The following PKHD1 variants were observed in gnomAD, a reference collection of about 807,000 sequenced individuals.
PKHD1 encodes the protein fibrocystin.
Under a neutral mutation model 412.0 loss-of-function variants are expected in PKHD1, and 291 were observed. That is an observed-to-expected ratio of 0.71 (90% confidence interval 0.64 to 0.78). The LOEUF (loss-of-function observed/expected upper bound fraction) is 0.78, where lower values mean the gene tolerates loss of function less well. Ranked by LOEUF, PKHD1 falls within the 30% of genes least tolerant of loss-of-function variation. The pLI is 0.00. For missense variants in PKHD1, 4,825 were observed against 4,950.7 expected (o/e 0.97, Z 0.76); for synonymous variants, 1,777 against 1,821.5 (o/e 0.98, Z 0.62).
At chr6:51,854,324 C>T (rs765371772) in intron 49 of PKHD1, among the ~76,000 whole-genome samples, 7 of 152,016 alleles carry the variant, frequency 4.6e-5, no homozygotes, top group Non-Finnish European at 7.4e-5. Context: ...CCTCTGACCT[C>T]GAGGGGCACC....
intron 60 of PKHD1, among the ~76,000 whole-genome samples, chr6:51,669,622 C>A (rs9474045): frequency 0.26 from 31,887 of 122,782 alleles, 5,805 homozygotes; most frequent in African/African-American, 0.54. Context: ...TTTTCTAGTT[C>A]TTTTAATTGT....
At chr6:51,989,054 T>C (rs144809489) in intron 35 of PKHD1, among the ~76,000 whole-genome samples, 1 of 152,340 alleles carries the variant, frequency 6.6e-6, no homozygotes, top group African/African-American at 2.4e-5. Flanking sequence ...GAGTTGCTTT[T>C]GGAAGCGATA....
chr6:51,764,627 C>T (rs564171596), intron 55 of PKHD1, among the ~76,000 whole-genome samples: 15 of 151,670 alleles, frequency 9.9e-5, no homozygotes, highest in South Asian at 4.2e-4. Flanking sequence ...ATGTTTATTG[C>T]GGCATTATTC....
chr6:51,956,488 T>C (rs1412248347), intron 36 of PKHD1, among the ~76,000 whole-genome samples: 1 of 152,002 alleles, frequency 6.6e-6, no homozygotes, highest in African/African-American at 2.4e-5. Flanking sequence ...TGAGCCTTCG[T>C]CATGCATCAG....
intron 37 of PKHD1, among the ~76,000 whole-genome samples, chr6:51,922,901 G>T (rs1461832061): frequency 6.6e-6 from 1 of 152,180 alleles, no homozygotes; most frequent in African/African-American, 2.4e-5. Context: ...CTTCCCTGGT[G>T]AGGCAATGCC....
intron 43 of PKHD1, among the ~76,000 whole-genome samples, chr6:51,899,645 T>G (rs1472650269): frequency 6.6e-6 from 1 of 151,440 alleles, no homozygotes; most frequent in Non-Finnish European, 1.5e-5. Context: ...CTATTCAACA[T>G]AGTGTTGGAA....
At chr6:51,956,326 G>T (rs1249528387) in intron 36 of PKHD1, among the ~76,000 whole-genome samples, 1 of 150,346 alleles carries the variant, frequency 6.7e-6, no homozygotes, top group African/African-American at 2.5e-5. Flanking sequence ...GTGTGTGTGT[G>T]TGTGTAATCA....
In PKHD1 at chr6:52,025,180, C is replaced by G; in HGVS notation, c.4630G>C (p.Ala1544Pro). ...SHVVCQTRDL[A>P]PGPHYLSVFY... ...ACTGACAGGTAGTGGGGTCCTGGGG[C>G]CAAGTCTCTTGTCTGGCACACAACG... Residue 1544 changes from alanine (A) to proline (P), a missense_variant, in exon 32 of 67, where the codon GCC becomes CCC. Physicochemically the swap from Ala to Pro is conservative, Grantham distance 27. Transcript: ENST00000371117. 6.2e-7 allele frequency: 1 copy of G among 1,614,108 alleles called. No homozygotes were observed. The highest frequency in any genetic ancestry group is 8.5e-7 in the Non-Finnish European group (1 of 1,180,012).
intron 55 of PKHD1, among the ~76,000 whole-genome samples, chr6:51,770,305 T>C (rs945390298): frequency 1.3e-5 from 2 of 151,866 alleles, no homozygotes; most frequent in Admixed American, 1.3e-4. Context: ...GCTTTACTAA[T>C]GTAAATTATA....
In PKHD1 at chr6:51,647,748, G is replaced by T. The variant is rs571709300; in HGVS notation, c.11398+283C>A. Among the ~76,000 whole-genome samples, 30 of 152,190 alleles carry T rather than the reference G, an allele frequency of 2.0e-4. No individual in the cohort carries two copies. In the South Asian group the frequency reaches 6.0e-3, roughly 31 times the overall value. ...ATTTGATGCTCACCCAAAGATGCCA[G>T]GCACTTTTCCTTACACTACCTTAAG... On this transcript the variant is annotated intron_variant, in intron 63 of 66. Transcript: ENST00000371117.
At chr6:51,855,463 T>C (rs2151683685) in intron 49 of PKHD1, among the ~76,000 whole-genome samples, 1 of 152,334 alleles carries the variant, frequency 6.6e-6, no homozygotes, top group South Asian at 2.1e-4. Flanking sequence ...CAAGTTAATC[T>C]TTGACCACAA....
intron 52 of PKHD1, among the ~76,000 whole-genome samples, chr6:51,819,257 A>T (rs1379828230): frequency 1.3e-5 from 2 of 152,214 alleles, no homozygotes; most frequent in Non-Finnish European, 2.9e-5. Context: ...CCATATTGTC[A>T]TATAAAAGGA....
intron 60 of PKHD1, among the ~76,000 whole-genome samples, chr6:51,684,926 T>C (rs987311891): frequency 1.3e-5 from 2 of 152,142 alleles, no homozygotes; most frequent in Non-Finnish European, 2.9e-5. Context: ...AAGTTAGTTT[T>C]ATGAATATTA....
At chr6:51,819,545 A>G (rs573652086) in intron 52 of PKHD1, among the ~76,000 whole-genome samples, 142 of 152,214 alleles carry the variant, frequency 9.3e-4, no homozygotes, top group Admixed American at 2.2e-3. Flanking sequence ...AATGTTTCCT[A>G]TAGCACATTT....
At chr6:51,743,865 C>T (rs1784868740) in intron 60 of PKHD1, among the ~76,000 whole-genome samples, 2 of 152,078 alleles carry the variant, frequency 1.3e-5, no homozygotes, top group Admixed American at 6.5e-5. Context: ...TAAAAGGGTG[C>T]TTTGTTTGCA....
At chr6:51,630,679 C>CT (rs1383445851) in intron 65 of PKHD1, among the ~76,000 whole-genome samples, 1 of 152,116 alleles carries the variant, frequency 6.6e-6, no homozygotes. Flanking sequence ...ACCAGAGAAT[C>CT]TTTTTTTATG....
chr6:51,893,220 GAAAGA>G (rs1779374969), intron 43 of PKHD1, among the ~76,000 whole-genome samples: 1 of 152,140 alleles, frequency 6.6e-6, no homozygotes, highest in Non-Finnish European at 1.5e-5. Context: ...ATTTTATGAG[GAAAGA>G]AAAGATTCTT....
At chr6:52,080,454 C>T (rs1811873377) in intron 4 of PKHD1, among the ~76,000 whole-genome samples, 1 of 152,196 alleles carries the variant, frequency 6.6e-6, no homozygotes, top group Admixed American at 6.5e-5. Flanking sequence ...TTCATGTAGC[C>T]ATCAAAACAG....
At chr6:51,934,438 AT>A in intron 36 of PKHD1, 116 bp from the exon 37 acceptor site, 2 of 736,240 alleles carry the variant, frequency 2.7e-6, no homozygotes, top group East Asian at 5.3e-5. Context: ...ATGTAGACTT[AT>A]TTTATCATGC....
Sources: gnomAD v4.1 joint callset for allele counts (sites outside exome capture counted in the v4.1 genomes callset) on GRCh38, gnomAD v4.1.1 for gene constraint, MANE v1.5 for transcripts, NCBI Gene and HGNC (gene_info 2026-07-23, HGNC 2026-07-21) for gene names.